ZMYM2: variants seen among roughly 807,000 people sequenced by gnomAD.
ZMYM2 encodes zinc finger MYM-type protein 2.
In ZMYM2, 56 loss-of-function variants were observed where a neutral mutation model predicts 162.8. That is an observed-to-expected ratio of 0.34 (90% CI 0.28 to 0.43). The LOEUF (loss-of-function observed/expected upper bound fraction) is 0.43, where lower values mean the gene tolerates loss of function less well. ZMYM2 is among the 20% of genes least tolerant of loss of function. The pLI is 1.00. For synonymous variants in ZMYM2, 510 were observed against 541.6 expected (o/e 0.94, Z 0.81); for missense variants, 1,275 against 1,621.8 (o/e 0.79, Z 3.67).
At chr13:19,933,152 A>G in the ZMYM2 span, among the ~76,000 whole-genome samples, 1 of 151,846 alleles carries the variant, frequency 6.6e-6, no homozygotes, top group South Asian at 2.1e-4. Flanking sequence ...GGGTCTCACT[A>G]TGTTGCCCAT....
chr13:20,026,567 TA>T, intron 7 of ZMYM2, 44 bp from the exon 8 acceptor site: 1 of 1,533,964 alleles, frequency 6.5e-7, no homozygotes, highest in Non-Finnish European at 8.7e-7. Context: ...CTTTTCTAGT[TA>T]AGTTGTAGTC....
chr13:19,883,625 A>G, the ZMYM2 span, among the ~76,000 whole-genome samples: 1 of 152,306 alleles, frequency 6.6e-6, no homozygotes, highest in African/African-American at 2.4e-5. Context: ...AGCTTTAAAA[A>G]TCTTTCCTTT....
At chr13:19,874,326 C>T in the ZMYM2 span, among the ~76,000 whole-genome samples, 3 of 152,062 alleles carry the variant, frequency 2.0e-5, no homozygotes, top group Non-Finnish European at 4.4e-5. Context: ...CTCAAGGGAT[C>T]CTCCCACCTC....
At chr13:19,985,607 G>A (rs1368465317) in intron 2 of ZMYM2, among the ~76,000 whole-genome samples, 1 of 152,044 alleles carries the variant, frequency 6.6e-6, no homozygotes, top group Non-Finnish European at 1.5e-5. Context: ...GGAGGCTGAG[G>A]CAGAGAATTG....
intron 6 of ZMYM2, among the ~76,000 whole-genome samples, chr13:20,018,335 A>T (rs2045692317): frequency 6.6e-6 from 1 of 152,200 alleles, no homozygotes; most frequent in Admixed American, 6.5e-5. Context: ...TCATTAGTTA[A>T]ATAAATAGGT....
intron 2 of ZMYM2, among the ~76,000 whole-genome samples, chr13:19,983,426 A>G (rs1307517989): frequency 2.0e-5 from 3 of 151,932 alleles, no homozygotes; most frequent in African/African-American, 4.8e-5. Context: ...GATTACAGGC[A>G]TGAGCCACCG....
chr13:20,031,865 G>GTTTTTTTT (rs10642086), intron 10 of ZMYM2, among the ~76,000 whole-genome samples: 6 of 130,248 alleles, frequency 4.6e-5, no homozygotes, highest in Admixed American at 8.3e-5. Flanking sequence ...TTCTGTAATT[G>GTTTTTTTT]TTTTTTTTTT....
the ZMYM2 span, among the ~76,000 whole-genome samples, chr13:19,937,086 T>TA: frequency 3.9e-5 from 6 of 152,022 alleles, no homozygotes; most frequent in Admixed American, 6.6e-5. Flanking sequence ...TAATTAAATT[T>TA]AAAAAATCAA....
intron 12 of ZMYM2, among the ~76,000 whole-genome samples, chr13:20,046,396 T>TA (rs1395128268): frequency 6.6e-6 from 1 of 150,598 alleles, no homozygotes; most frequent in East Asian, 1.9e-4. Context: ...AAAATAAAAA[T>TA]AAAAAAAATT....
intron 2 of ZMYM2, among the ~76,000 whole-genome samples, chr13:19,961,327 T>G (rs893062320): frequency 6.6e-6 from 1 of 152,208 alleles, no homozygotes; most frequent in Non-Finnish European, 1.5e-5. Context: ...CTGCCTTGTT[T>G]CAAAACTAAC....
the ZMYM2 span, among the ~76,000 whole-genome samples, chr13:19,865,226 T>TA: frequency 2.6e-5 from 4 of 152,126 alleles, no homozygotes; most frequent in Non-Finnish European, 5.9e-5. Context: ...GCTGATGAGC[T>TA]AAAACAAACG....
At chr13:19,907,654 C>T in the ZMYM2 span, among the ~76,000 whole-genome samples, 4,868 of 142,752 alleles carry the variant, frequency 0.034, 109 homozygotes, top group South Asian at 0.079. Context: ...CCCAGTTACT[C>T]GGGAGGCTGA....
chr13:19,912,123 G>T, the ZMYM2 span, among the ~76,000 whole-genome samples: 1 of 152,194 alleles, frequency 6.6e-6, no homozygotes, highest in Non-Finnish European at 1.5e-5. Flanking sequence ...TAACTGGTAT[G>T]CAGCTATTGA....
the ZMYM2 span, among the ~76,000 whole-genome samples, chr13:19,877,155 T>G: frequency 7.2e-6 from 1 of 139,162 alleles, no homozygotes; most frequent in African/African-American, 2.7e-5. Flanking sequence ...GAGCTTGCAG[T>G]AAGCCGAGAT....
At chr13:19,926,360 ATTTTTTTTTTTT>A in the ZMYM2 span, among the ~76,000 whole-genome samples, 1 of 105,446 alleles carries the variant, frequency 9.5e-6, no homozygotes, top group African/African-American at 3.6e-5. Context: ...AGGACTACTT[ATTTTTTTTTTTT>A]TTTTTTTTTT....
At chr13:19,972,905 A>G (rs1956447464) in intron 2 of ZMYM2, among the ~76,000 whole-genome samples, 1 of 150,432 alleles carries the variant, frequency 6.6e-6, no homozygotes, top group Non-Finnish European at 1.5e-5. Flanking sequence ...AATTATATAT[A>G]TACATATATA....
intron 21 of ZMYM2, among the ~76,000 whole-genome samples, chr13:20,075,807 C>T (rs888755971): frequency 6.6e-6 from 1 of 150,970 alleles, no homozygotes; most frequent in Non-Finnish European, 1.5e-5. Context: ...TCAGCCTCCT[C>T]CCAAGTAGCT....
chr13:19,899,815 T>TAAAAA, the ZMYM2 span, among the ~76,000 whole-genome samples: 1 of 8,594 alleles, frequency 1.2e-4, no homozygotes, highest in Non-Finnish European at 2.8e-4. Flanking sequence ...GGACTCTGAC[T>TAAAAA]CAAAAAAAAA....
rs1489740410 is a variant in ZMYM2 at position 20,079,342 on chromosome 13, AAG to A, written c.3454-2673_3454-2672del. Among the ~76,000 whole-genome samples the A allele has an allele frequency of 1.3e-3, 179 of 133,238 alleles. 36 individuals carry two copies. Among genetic ancestry groups the A allele is most frequent in the South Asian group, 4.9e-3 (20 of 4,058 alleles). The allele number at this position is 133,238 out of a possible 152,430, so 87.4% of individuals were successfully genotyped here. ...AAAAAAAAAAAAAAAAAAAAAAAAA[AAG>A]GATACTTAATGAATTCAAATCCCAT... On this transcript the variant is annotated intron_variant, in intron 21 of 24. Transcript: ENST00000610343.
Sources: allele counts gnomAD v4.1 joint callset (sites outside exome capture counted in the v4.1 genomes callset), GRCh38; gene constraint gnomAD v4.1.1; transcripts MANE v1.5; gene names NCBI Gene and HGNC (gene_info 2026-07-23, HGNC 2026-07-21).